Variants in REC114 observed in about 807,000 individuals in gnomAD.
The protein encoded by REC114 is REC114 meiotic recombination protein.
Under a neutral mutation model 31.3 loss-of-function variants are expected in REC114, and 27 were observed. That is an observed-to-expected ratio of 0.86 (90% CI 0.64 to 1.19). REC114 has a LOEUF of 1.19. Ranked by LOEUF, REC114 falls within the 50% of genes most tolerant of loss-of-function variation. REC114 has a pLI of 0.00. For synonymous variants in REC114, 134 were observed against 127.7 expected (o/e 1.05, Z -0.33); for missense variants, 344 against 326.9 (o/e 1.05, Z -0.40).
chr15:73,444,858 T>A (rs948388378), intron 1 of REC114, among the ~76,000 whole-genome samples: 19 of 152,242 alleles, frequency 1.2e-4, no homozygotes, highest in African/African-American at 4.3e-4. Context: ...AATTACTCCT[T>A]GATCATGGGC....
chr15:73,520,858 A>T (rs1893927573), intron 2 of REC114, among the ~76,000 whole-genome samples: 2 of 152,290 alleles, frequency 1.3e-5, no homozygotes, highest in East Asian at 3.9e-4. Context: ...TTTGCCATAG[A>T]TGGGATTGCT....
chr15:73,530,711 G>A (rs1034930376), intron 2 of REC114, among the ~76,000 whole-genome samples: 3 of 151,192 alleles, frequency 2.0e-5, no homozygotes, highest in Admixed American at 1.3e-4. Flanking sequence ...TCTTCACATC[G>A]TTGTCTTCAT....
At position 73,543,280 on chromosome 15, in the gene REC114, CTT is replaced by C. The variant is rs1020851409; in HGVS notation, c.333+2716_333+2717del. 3.9e-5 allele frequency among the ~76,000 whole-genome samples: 6 copies of C among 152,044 alleles called. 1 individual carries two copies. Among genetic ancestry groups the C allele is most frequent in the Non-Finnish European group, 5.9e-5 (4 of 68,024 alleles). ...TTTGTGTATATACTGTATGCACAGA[CTT>C]TTTAAACATTTAAAACTAGGAACCA... On this transcript the variant is annotated intron_variant, in intron 3 of 5. Coordinates refer to ENST00000331090, the MANE Select transcript of REC114 (RefSeq NM_001042367.2).
chr15:73,500,057 A>G (rs867093595), intron 2 of REC114, among the ~76,000 whole-genome samples: 1 of 152,082 alleles, frequency 6.6e-6, no homozygotes, highest in African/African-American at 2.4e-5. Context: ...CTCAGTCTTC[A>G]CTGGAGTCCT....
At chr15:73,445,249 C>T (rs1191998180) in intron 1 of REC114, among the ~76,000 whole-genome samples, 1 of 152,158 alleles carries the variant, frequency 6.6e-6, no homozygotes, top group Non-Finnish European at 1.5e-5. Context: ...TTGACTTCTC[C>T]TCTTTAGCTA....
intron 3 of REC114, among the ~76,000 whole-genome samples, chr15:73,549,908 A>G (rs888648609): frequency 6.6e-6 from 1 of 152,162 alleles, no homozygotes; most frequent in Non-Finnish European, 1.5e-5. Flanking sequence ...GTTTATTTAA[A>G]TAGTGTAAAT....
chr15:73,527,051 A>T (rs1030858664), intron 2 of REC114, among the ~76,000 whole-genome samples: 2 of 152,076 alleles, frequency 1.3e-5, no homozygotes, highest in East Asian at 3.9e-4. Context: ...GCCTCAAGCA[A>T]TCCTCCCATC....
chr15:73,458,575 A>G (rs1050781233), intron 1 of REC114, among the ~76,000 whole-genome samples: 6 of 152,212 alleles, frequency 3.9e-5, no homozygotes, highest in Non-Finnish European at 7.3e-5. Flanking sequence ...TTTTCCGCAT[A>G]AAAGTCCACA....
At position 73,551,101 on chromosome 15, in the gene REC114, C is replaced by T. The variant is rs772925044; in HGVS notation, c.497C>T (p.Thr166Ile). 16 of 1,613,046 alleles carry T rather than the reference C, an allele frequency of 9.9e-6. No homozygotes were observed. Among genetic ancestry groups the T allele is most frequent in the African/African-American group, 4.0e-5 (3 of 74,882 alleles). The change falls in exon 4 of 6, where the codon ACT becomes ATT. Residue 166 changes from threonine (T) to isoleucine (I), a missense_variant. By Grantham distance (89) the Thr-to-Ile change is moderately conservative. Coordinates refer to ENST00000331090, the MANE Select transcript of REC114 (RefSeq NM_001042367.2). ...LQLIPGPPRATESQGKDSAKS... is the reference protein window; with the variant it reads ...LQLIPGPPRAIESQGKDSAKS... Reference sequence around the variant, plus strand: ...CTGATTCCTGGCCCACCCAGGGCAACTGAAAGTCAAGGGAAGGATTCTGCA... The same window carrying T: ...CTGATTCCTGGCCCACCCAGGGCAATTGAAAGTCAAGGGAAGGATTCTGCA...
chr15:73,529,985 A>G lies in REC114; in HGVS notation c.250-10500A>G, dbSNP rs553731482. ...AAAACACAGTCGTCCTTTTTTGTTG[A>G]CATTATTTATTTTTATTTACTTTAC... On this transcript the variant is annotated intron_variant, in intron 2 of 5. Coordinates refer to ENST00000331090, the MANE Select transcript of REC114 (RefSeq NM_001042367.2). Among the ~76,000 whole-genome samples the G allele has an allele frequency of 3.3e-5, 5 of 152,306 alleles. No individual in the cohort carries two copies. In the East Asian group the frequency reaches 9.6e-4, roughly 29 times the overall value.
chr15:73,523,161 C>G (rs1443979382), intron 2 of REC114, among the ~76,000 whole-genome samples: 1 of 151,982 alleles, frequency 6.6e-6, no homozygotes, highest in East Asian at 1.9e-4. Context: ...GAATTCAAGT[C>G]CTTCATCAGA....
At chr15:73,513,479 T>G (rs1893806985) in intron 2 of REC114, among the ~76,000 whole-genome samples, 2 of 149,096 alleles carry the variant, frequency 1.3e-5, no homozygotes, top group Non-Finnish European at 3.0e-5. Flanking sequence ...TTTGTTCCGT[T>G]GCTGGTGAGG....
chr15:73,468,846 A>G (rs1408651141), intron 1 of REC114, among the ~76,000 whole-genome samples: 1 of 152,020 alleles, frequency 6.6e-6, no homozygotes, highest in Non-Finnish European at 1.5e-5. Context: ...TAATATGTTA[A>G]CATGGTGAAT....
intron 1 of REC114, among the ~76,000 whole-genome samples, chr15:73,473,289 T>C (rs1346286465): frequency 1.3e-5 from 2 of 151,934 alleles, no homozygotes; most frequent in Non-Finnish European, 2.9e-5. Flanking sequence ...CTCGCGAGGC[T>C]GAGGCAGGAG....
intron 2 of REC114, among the ~76,000 whole-genome samples, chr15:73,499,536 A>C (rs1893575593): frequency 6.6e-6 from 1 of 152,152 alleles, no homozygotes; most frequent in Non-Finnish European, 1.5e-5. Context: ...AGTCCTCATT[A>C]TCTCTTGTCA....
Position 73,454,225 on chromosome 15 carries a change from GA to G in REC114, c.159+10882del, listed in dbSNP as rs146215033. 3.3e-3 allele frequency among the ~76,000 whole-genome samples: 504 copies of G among 152,326 alleles called. 1 individual carries two copies. Among genetic ancestry groups the G allele is most frequent in the Middle Eastern group, 0.014 (4 of 294 alleles). ...AGAATGGAGGTTTATCAGTGCTAAA[GA>G]GAGTTATTTCCAGGGGAAAGAGTGA... is the stretch of plus-strand genomic sequence containing the variant. On this transcript the variant is annotated intron_variant, in intron 1 of 5. Transcript: ENST00000331090.
intron 2 of REC114, among the ~76,000 whole-genome samples, chr15:73,484,681 T>A (rs957058720): frequency 3.3e-5 from 5 of 152,352 alleles, no homozygotes; most frequent in Middle Eastern, 3.4e-3. Context: ...CCCAAGGCTT[T>A]AGCCTCTATT....
intron 1 of REC114, among the ~76,000 whole-genome samples, chr15:73,444,668 G>C (rs1323285789): frequency 6.6e-6 from 1 of 152,122 alleles, no homozygotes; most frequent in Non-Finnish European, 1.5e-5. Flanking sequence ...CCAAATTCCT[G>C]TTAATGTTGA....
At chr15:73,529,176 C>T (rs934646862) in intron 2 of REC114, among the ~76,000 whole-genome samples, 2 of 150,298 alleles carry the variant, frequency 1.3e-5, no homozygotes, top group Non-Finnish European at 3.0e-5. Context: ...CTCGCTCTGT[C>T]GCCCAGGCTA....
Sources: gnomAD v4.1 joint callset for allele counts (sites outside exome capture counted in the v4.1 genomes callset) on GRCh38, gnomAD v4.1.1 for gene constraint, MANE v1.5 for transcripts, NCBI Gene and HGNC (gene_info 2026-07-23, HGNC 2026-07-21) for gene names.